Variants in TRPV1 observed in about 807,000 individuals in gnomAD.
TRPV1 encodes transient receptor potential cation channel subfamily V member 1.
Under a neutral mutation model 82.3 loss-of-function variants are expected in TRPV1, and 82 were observed. The ratio of observed to expected loss-of-function variants is 1.00; its 90% CI spans 0.83 to 1.20. The LOEUF (loss-of-function observed/expected upper bound fraction) is 1.20, where lower values mean the gene tolerates loss of function less well. TRPV1 is among the 50% of genes most tolerant of loss of function. The pLI, the probability that TRPV1 is intolerant of heterozygous loss-of-function variation, is 0.00. For synonymous variants in TRPV1, 515 were observed against 467.7 expected, an observed-to-expected ratio of 1.10 and a Z score of -1.30; for missense variants, 1,067 against 1,096.8, an observed-to-expected ratio of 0.97 and a Z score of 0.38.
chr17:3,587,111 T>C (rs913849076), intron 8 of TRPV1, among the ~76,000 whole-genome samples: 2 of 152,198 alleles, frequency 1.3e-5, no homozygotes, highest in Admixed American at 6.5e-5. Flanking sequence ...AAGATGTCAG[T>C]GGTGGTCCCA....
chr17:3,574,752 C>G (rs1297663371), intron 13 of TRPV1, among the ~76,000 whole-genome samples: 1 of 151,740 alleles, frequency 6.6e-6, no homozygotes, highest in Non-Finnish European at 1.5e-5. Context: ...AGTTTGAGAC[C>G]AGCCTGGCCA....
intron 5 of TRPV1, 112 bp from the exon 6 acceptor site, chr17:3,590,504 A>G: frequency 6.8e-7 from 1 of 1,475,872 alleles, no homozygotes; most frequent in Admixed American, 2.4e-5. Context: ...GGAACTGGGC[A>G]GAAAGTGCCT....
intron 13 of TRPV1, 143 bp from the exon 14 acceptor site, chr17:3,574,098 A>C: frequency 1.4e-6 from 1 of 700,236 alleles, no homozygotes; most frequent in Non-Finnish European, 2.3e-6. Flanking sequence ...AACTATCAAA[A>C]AAATTTTCAT....
intron 16 of TRPV1, among the ~76,000 whole-genome samples, chr17:3,567,369 C>CAAA (rs56391405): frequency 8.9e-4 from 47 of 52,720 alleles, no homozygotes; most frequent in East Asian, 1.1e-3. Context: ...AACTCCGTCT[C>CAAA]AAAAAAAAAA....
At chr17:3,578,488 A>G (rs1038608018) in intron 11 of TRPV1, 2 of 152,192 alleles carry the variant, frequency 1.3e-5, no homozygotes, top group African/African-American at 4.8e-5. Context: ...TGTCTCTACT[A>G]AAAATATGAA....
At chr17:3,608,779 T>G (rs948241847) in intron 1 of TRPV1, 3 of 152,164 alleles carry the variant, frequency 2.0e-5, no homozygotes, top group Admixed American at 2.0e-4. Flanking sequence ...GATCTACGAA[T>G]TCTCCCCAGA....
intron 2 of TRPV1, among the ~76,000 whole-genome samples, chr17:3,596,552 C>T (rs746450544): frequency 4.6e-5 from 7 of 152,316 alleles, no homozygotes; most frequent in South Asian, 2.1e-4. Context: ...GAGGGCGACA[C>T]GCTGAAAACC....
At chr17:3,600,012 G>A (rs1319267718) in intron 2 of TRPV1, among the ~76,000 whole-genome samples, 1 of 152,184 alleles carries the variant, frequency 6.6e-6, no homozygotes. Flanking sequence ...TGAACACTTG[G>A]CTTGCTTCCA....
chr17:3,566,840 C>T lies in TRPV1; in HGVS notation c.2495G>A (p.Ser832Asn), dbSNP rs2074770318. 1.2e-6 allele frequency: 2 copies of T among 1,613,968 alleles called. No homozygotes were observed. The highest frequency in any genetic ancestry group is 1.7e-6 in the Non-Finnish European group (2 of 1,179,876). ...TCACTTCTCCCCGGAAGCGGCAGGA[C>T]TCTTGAAGACCTCAGCGTCCTCTGG... is the stretch of plus-strand genomic sequence containing the variant. Reference protein sequence around the residue: ...LKPEDAEVFKSPAASGEK With the variant: ...LKPEDAEVFKNPAASGEK The change falls in exon 17 of 17, where the codon AGT (serine) becomes AAT (asparagine). Residue 832 changes from serine (S) to asparagine (N), a missense_variant. Physicochemically the swap from Ser to Asn is conservative, Grantham distance 46 (BLOSUM62 1). Coordinates refer to ENST00000572705, the MANE Select transcript of TRPV1 (RefSeq NM_080704.4).
intron 16 of TRPV1, among the ~76,000 whole-genome samples, chr17:3,569,414 A>G (rs1021309687): frequency 6.6e-6 from 1 of 152,246 alleles, no homozygotes; most frequent in Non-Finnish European, 1.5e-5. Context: ...GCAACACAGC[A>G]AGACTCCATC....
At chr17:3,569,938 A>G (rs909484854) in intron 16 of TRPV1, among the ~76,000 whole-genome samples, 7 of 150,436 alleles carry the variant, frequency 4.7e-5, no homozygotes, top group Non-Finnish European at 8.9e-5. Context: ...AGGAGGGGCC[A>G]AGGGGTCAGG....
At chr17:3,576,610 C>T (rs1335779980) in intron 13 of TRPV1, among the ~76,000 whole-genome samples, 1 of 145,534 alleles carries the variant, frequency 6.9e-6, no homozygotes, top group Non-Finnish European at 1.5e-5. Flanking sequence ...CGAGATCGCG[C>T]CACTGCACGC....
intron 12 of TRPV1, 63 bp from the exon 13 acceptor site, chr17:3,577,255 C>CG (rs2074945920): frequency 6.6e-7 from 1 of 1,521,282 alleles, no homozygotes. Flanking sequence ...AGGGAAGGGC[C>CG]GGGCCGCATC....
intron 2 of TRPV1, among the ~76,000 whole-genome samples, chr17:3,607,321 G>A (rs1332983358): frequency 6.6e-6 from 1 of 151,066 alleles, no homozygotes; most frequent in Non-Finnish European, 1.5e-5. Context: ...TCCAGCCTGG[G>A]CGACAGAGGG....
intron 16 of TRPV1, 107 bp downstream of exon 16, chr17:3,571,417 T>G: frequency 2.3e-6 from 2 of 873,536 alleles, no homozygotes; most frequent in Non-Finnish European, 3.6e-6. Context: ...GCCCGGGTCC[T>G]GGGGGGATGA....
At chr17:3,573,077 C>T (rs559194260) in intron 14 of TRPV1, among the ~76,000 whole-genome samples, 1 of 151,202 alleles carries the variant, frequency 6.6e-6, no homozygotes, top group Non-Finnish European at 1.5e-5. Context: ...GAGACAGACA[C>T]TTAGTACAGT....
rs574622706 is a variant in TRPV1 at position 3,605,483 on chromosome 17, C to A, written c.-34+2944G>T. ...TGAGATCGCACCACTGCACTCCAGC[C>A]TGGGTAACAGAGTGAGACTCCATTT... On this transcript the variant is annotated intron_variant, in intron 2 of 16. Transcript: ENST00000572705. Among the ~76,000 whole-genome samples the A allele has an allele frequency of 1.3e-4, 20 of 151,718 alleles. No homozygotes were observed. The South Asian group carries it at 4.2e-3, about 32-fold the overall frequency.
intron 2 of TRPV1, among the ~76,000 whole-genome samples, chr17:3,596,623 T>G (rs1422680159): frequency 6.6e-6 from 1 of 152,218 alleles, no homozygotes; most frequent in Non-Finnish European, 1.5e-5. Flanking sequence ...GGACGGCTGA[T>G]GCAGGAGCAA....
At chr17:3,590,457 G>A in intron 5 of TRPV1, 65 bp from the exon 6 acceptor site, 4 of 1,587,780 alleles carry the variant, frequency 2.5e-6, no homozygotes, top group Non-Finnish European at 3.4e-6. Flanking sequence ...GACAGGTGCT[G>A]GGGAAGGGCT....
Sources: allele counts gnomAD v4.1 joint callset (sites outside exome capture counted in the v4.1 genomes callset), GRCh38; gene constraint gnomAD v4.1.1; transcripts MANE v1.5; gene names NCBI Gene and HGNC (gene_info 2026-07-23, HGNC 2026-07-21).